PDSS2: variants seen among roughly 807,000 people sequenced by gnomAD.
The protein encoded by PDSS2 is all trans-polyprenyl-diphosphate synthase PDSS2.
In PDSS2, 31 loss-of-function variants were observed where a neutral mutation model predicts 44.5. The observed-to-expected ratio is 0.70, with a 90% confidence interval of 0.52 to 0.94. PDSS2 has a LOEUF of 0.94. PDSS2 is among the 40% of genes least tolerant of loss of function. PDSS2 has a pLI of 0.00. For missense variants in PDSS2, 452 were observed against 482.2 expected (o/e 0.94, Z 0.59); for synonymous variants, 157 against 180.3 (o/e 0.87, Z 1.03).
At chr6:107,155,056 A>C (rs1259894042) in intron 7 of PDSS2, among the ~76,000 whole-genome samples, 3 of 152,106 alleles carry the variant, frequency 2.0e-5, no homozygotes, top group Non-Finnish European at 4.4e-5. Flanking sequence ...AATATCTTGA[A>C]ATGTGCCATG....
chr6:107,374,368 C>A (rs1779219506), intron 1 of PDSS2, among the ~76,000 whole-genome samples: 1 of 151,962 alleles, frequency 6.6e-6, no homozygotes, highest in Non-Finnish European at 1.5e-5. Context: ...CCCCCTCATC[C>A]AAACCGATCA....
intron 7 of PDSS2, among the ~76,000 whole-genome samples, chr6:107,189,943 G>C (rs1394915070): frequency 2.0e-5 from 3 of 151,972 alleles, no homozygotes; most frequent in African/African-American, 7.2e-5. Context: ...AAATAGCCGG[G>C]TGTGGTGACA....
chr6:107,324,064 T>C (rs1675668013), intron 2 of PDSS2, among the ~76,000 whole-genome samples: 2 of 152,206 alleles, frequency 1.3e-5, no homozygotes, highest in Admixed American at 1.3e-4. Context: ...GTACAGTATG[T>C]TAAACATAAA....
chr6:107,434,968 A>C (rs1781304060), intron 1 of PDSS2, among the ~76,000 whole-genome samples: 1 of 152,074 alleles, frequency 6.6e-6, no homozygotes, highest in African/African-American at 2.4e-5. Context: ...CAACAGTAAA[A>C]GACAAACAAA....
At chr6:107,372,500 G>A (rs1779156009) in intron 1 of PDSS2, among the ~76,000 whole-genome samples, 1 of 152,136 alleles carries the variant, frequency 6.6e-6, no homozygotes, top group Admixed American at 6.5e-5. Flanking sequence ...CGCCCAAGCT[G>A]GAGGGCAGTT....
At chr6:107,257,408 T>C (rs1775059779) in intron 3 of PDSS2, among the ~76,000 whole-genome samples, 2 of 149,154 alleles carry the variant, frequency 1.3e-5, no homozygotes, top group Admixed American at 1.3e-4. Flanking sequence ...GCATGGTGTC[T>C]TGCGCTGTAG....
chr6:107,429,767 C>T (rs1278601013), intron 1 of PDSS2, among the ~76,000 whole-genome samples: 1 of 149,966 alleles, frequency 6.7e-6, no homozygotes, highest in Non-Finnish European at 1.5e-5. Context: ...GCCTGTAATC[C>T]CAGCTACTTC....
intron 1 of PDSS2, among the ~76,000 whole-genome samples, chr6:107,382,692 C>T (rs1779489497): frequency 1.3e-5 from 2 of 151,956 alleles, no homozygotes; most frequent in Admixed American, 1.3e-4. Context: ...AAAAAATTAG[C>T]TGGGCATGGC....
chr6:107,290,091 A>T (rs1265855626), intron 2 of PDSS2, among the ~76,000 whole-genome samples: 1 of 152,204 alleles, frequency 6.6e-6, no homozygotes, highest in East Asian at 1.9e-4. Flanking sequence ...TCCAGTGACA[A>T]GGAGCTGATG....
intron 7 of PDSS2, among the ~76,000 whole-genome samples, chr6:107,183,903 A>G (rs1772074152): frequency 6.6e-6 from 1 of 151,690 alleles, no homozygotes; most frequent in Non-Finnish European, 1.5e-5. Context: ...TCAAAAAAAA[A>G]AGAGAGAATC....
intron 1 of PDSS2, among the ~76,000 whole-genome samples, chr6:107,374,253 CAAAAAAAAA>C (rs3033569): frequency 1.4e-5 from 1 of 70,570 alleles, no homozygotes; most frequent in Non-Finnish European, 2.4e-5. Flanking sequence ...GACTCCATCA[CAAAAAAAAA>C]AAAAAAAAAA....
chr6:107,321,024 G>A (rs1208530540), intron 2 of PDSS2, among the ~76,000 whole-genome samples: 5 of 152,132 alleles, frequency 3.3e-5, no homozygotes. Flanking sequence ...TGTTTACCAA[G>A]AAAAGCAATT....
chr6:107,438,206 T>C (rs1406412482), intron 1 of PDSS2, among the ~76,000 whole-genome samples: 1 of 152,092 alleles, frequency 6.6e-6, no homozygotes, highest in African/African-American at 2.4e-5. Context: ...GATCTGTTTT[T>C]ATTTTTTATT....
At chr6:107,448,857 G>T (rs894991255) in intron 1 of PDSS2, among the ~76,000 whole-genome samples, 2 of 152,232 alleles carry the variant, frequency 1.3e-5, no homozygotes, top group African/African-American at 2.4e-5. Context: ...GGCACCAGGA[G>T]AGAGAATGAG....
intron 2 of PDSS2, among the ~76,000 whole-genome samples, chr6:107,331,547 T>G (rs1018892183): frequency 6.6e-6 from 1 of 152,202 alleles, no homozygotes; most frequent in Non-Finnish European, 1.5e-5. Flanking sequence ...GCAATGAAAT[T>G]GTTTCCTAGA....
At chr6:107,230,862 T>C (rs1445725334) in intron 4 of PDSS2, among the ~76,000 whole-genome samples, 1 of 151,914 alleles carries the variant, frequency 6.6e-6, no homozygotes, top group African/African-American at 2.4e-5. Context: ...GACCCCAAAT[T>C]TAGTGGTTTA....
intron 7 of PDSS2, among the ~76,000 whole-genome samples, chr6:107,187,449 G>A (rs1772208797): frequency 6.6e-6 from 1 of 152,128 alleles, no homozygotes; most frequent in Non-Finnish European, 1.5e-5. Context: ...CAGATCACCT[G>A]AGGTCGGGAG....
At chr6:107,387,830 A>G (rs1779657277) in intron 1 of PDSS2, among the ~76,000 whole-genome samples, 1 of 152,158 alleles carries the variant, frequency 6.6e-6, no homozygotes, top group South Asian at 2.1e-4. Context: ...TCCAAATTAC[A>G]CTCTGAGTGC....
chr6:107,292,455 C>G lies in PDSS2; in HGVS notation c.432-18228G>C, dbSNP rs933713462. On this transcript the variant is annotated intron_variant, in intron 2 of 7. Transcript: ENST00000369037. ...AGCCAATCTACAAAGAAGTAAGATG[C>G]CTTTGGTGGTGGTAGTCATACTTGA... Among the ~76,000 whole-genome samples the G allele has an allele frequency of 5.3e-5, 8 of 152,042 alleles. No homozygotes were observed. In the South Asian group the frequency reaches 1.7e-3, roughly 32 times the overall value.
Sources: allele counts gnomAD v4.1 joint callset (sites outside exome capture counted in the v4.1 genomes callset), GRCh38; gene constraint gnomAD v4.1.1; transcripts MANE v1.5; gene names NCBI Gene and HGNC (gene_info 2026-07-23, HGNC 2026-07-21).